SLC2A13: variants seen among roughly 807,000 people sequenced by gnomAD.
SLC2A13 encodes proton myo-inositol cotransporter.
SLC2A13 carries 32 observed loss-of-function variants against 64.4 expected under a neutral mutation model. That is an observed-to-expected ratio of 0.50 (90% confidence interval 0.37 to 0.67). The LOEUF (loss-of-function observed/expected upper bound fraction) is 0.67, where lower values mean the gene tolerates loss of function less well. SLC2A13 is among the 30% of genes least tolerant of loss of function. The pLI is 0.00. For missense variants in SLC2A13, 743 were observed against 829.2 expected (o/e 0.90, Z 1.28); for synonymous variants, 338 against 327.1 (o/e 1.03, Z -0.36).
intron 6 of SLC2A13, among the ~76,000 whole-genome samples, chr12:39,838,743 C>A (rs898818959): frequency 2.0e-5 from 3 of 152,020 alleles, no homozygotes; most frequent in African/African-American, 7.2e-5. Flanking sequence ...AATGTGCTCT[C>A]AGCTCAGAAA....
At chr12:39,794,438 A>C (rs902413738) in intron 7 of SLC2A13, among the ~76,000 whole-genome samples, 2 of 152,228 alleles carry the variant, frequency 1.3e-5, no homozygotes, top group East Asian at 3.8e-4. Context: ...TTCTGCCTAA[A>C]GGTTTCCCCA....
intron 7 of SLC2A13, among the ~76,000 whole-genome samples, chr12:39,811,031 A>G (rs553220382): frequency 5.9e-4 from 90 of 152,216 alleles, no homozygotes; most frequent in Non-Finnish European, 8.8e-4. Context: ...ATCTGGTTTA[A>G]TTCACCAATG....
intron 3 of SLC2A13, among the ~76,000 whole-genome samples, chr12:40,013,752 T>C (rs1947572042): frequency 6.6e-6 from 1 of 152,262 alleles, no homozygotes; most frequent in African/African-American, 2.4e-5. Context: ...TAATGAGCTC[T>C]TACGTGTGCG....
chr12:39,996,447 A>G (rs957314494), intron 3 of SLC2A13, among the ~76,000 whole-genome samples: 1 of 152,234 alleles, frequency 6.6e-6, no homozygotes, highest in Non-Finnish European at 1.5e-5. Context: ...AGCTGCAGAA[A>G]TTTGCATAAG....
At chr12:39,887,818 T>C (rs1944507326) in intron 4 of SLC2A13, among the ~76,000 whole-genome samples, 2 of 152,246 alleles carry the variant, frequency 1.3e-5, no homozygotes, top group Non-Finnish European at 2.9e-5. Flanking sequence ...TATATGTTTA[T>C]TCTTGTCATT....
chr12:39,996,799 A>T (rs1220231172), intron 3 of SLC2A13, among the ~76,000 whole-genome samples: 5 of 152,354 alleles, frequency 3.3e-5, no homozygotes, highest in African/African-American at 1.2e-4. Context: ...CTGCAAAAAA[A>T]TTAAAATACT....
intron 2 of SLC2A13, among the ~76,000 whole-genome samples, chr12:40,030,996 G>A (rs1020686095): frequency 2.0e-5 from 3 of 152,058 alleles, no homozygotes; most frequent in Non-Finnish European, 2.9e-5. Flanking sequence ...TGTTTTATAC[G>A]TTTGTATCCT....
At chr12:40,076,620 G>C (rs1476373085) in intron 1 of SLC2A13, among the ~76,000 whole-genome samples, 2 of 152,098 alleles carry the variant, frequency 1.3e-5, no homozygotes, top group Non-Finnish European at 2.9e-5. Context: ...ACATATGTTT[G>C]CATGTGTCTT....
chr12:39,898,655 A>T (rs1392337135), intron 4 of SLC2A13, among the ~76,000 whole-genome samples: 1 of 152,156 alleles, frequency 6.6e-6, no homozygotes, highest in Non-Finnish European at 1.5e-5. Flanking sequence ...TATGAGAGAC[A>T]TACAAGGCAT....
intron 4 of SLC2A13, among the ~76,000 whole-genome samples, chr12:39,891,545 G>A (rs17127219): frequency 0.023 from 3,563 of 152,114 alleles, 133 homozygotes; most frequent in African/African-American, 0.079. Flanking sequence ...TAAATTCTAG[G>A]AGTCGTGAAA....
intron 7 of SLC2A13, among the ~76,000 whole-genome samples, chr12:39,801,013 G>A (rs1941769486): frequency 5.2e-5 from 1 of 19,094 alleles, no homozygotes; most frequent in Non-Finnish European, 1.1e-4. Context: ...ACCAAACACC[G>A]CATATTCTCA....
chr12:39,851,774 C>T (rs988473860), intron 6 of SLC2A13, among the ~76,000 whole-genome samples: 9 of 152,168 alleles, frequency 5.9e-5, no homozygotes, highest in African/African-American at 1.9e-4. Context: ...AGTCATTGAT[C>T]ACTGCAAATT....
intron 4 of SLC2A13, among the ~76,000 whole-genome samples, chr12:39,885,966 T>G (rs1206132809): frequency 6.6e-6 from 1 of 152,202 alleles, no homozygotes; most frequent in East Asian, 1.9e-4. Flanking sequence ...GCAAATGTTT[T>G]GTATAGAAAC....
rs554368708 is a variant in SLC2A13, at chr12:39,854,442, C to A, written c.1319+10320G>T. The stretch of plus-strand genomic sequence containing the variant: ...ATTGGCTGGGGCCACATAATCGGCA[C>A]TGAGTATTCATAAAATTGAACTGCC... On this transcript the variant is annotated intron_variant, in intron 6 of 9. Coordinates refer to ENST00000280871, the MANE Select transcript of SLC2A13 (RefSeq NM_052885.4). Among the ~76,000 whole-genome samples the A allele has an allele frequency of 1.2e-4, 18 of 152,322 alleles. No individual in the cohort carries two copies. The East Asian group carries it at 3.3e-3, about 28-fold the overall frequency.
chr12:40,003,221 T>C (rs993126736), intron 3 of SLC2A13, among the ~76,000 whole-genome samples: 7 of 152,230 alleles, frequency 4.6e-5, no homozygotes, highest in African/African-American at 1.4e-4. Context: ...GCAATACCTA[T>C]TGAGAAGGAG....
intron 1 of SLC2A13, among the ~76,000 whole-genome samples, chr12:40,077,194 G>A (rs184864305): frequency 8.6e-5 from 13 of 151,938 alleles, no homozygotes; most frequent in African/African-American, 3.1e-4. Context: ...TGTTGCAATT[G>A]CTTTTGGAGT....
At chr12:39,888,281 G>A (rs1944518905) in intron 4 of SLC2A13, among the ~76,000 whole-genome samples, 1 of 152,166 alleles carries the variant, frequency 6.6e-6, no homozygotes, top group Admixed American at 6.5e-5. Flanking sequence ...CTGGAGTGCA[G>A]TGGTGTGATC....
chr12:40,009,162 A>T (rs902854274), intron 3 of SLC2A13, among the ~76,000 whole-genome samples: 6 of 152,270 alleles, frequency 3.9e-5, no homozygotes, highest in Middle Eastern at 6.8e-3. Flanking sequence ...CCAGCAGTGG[A>T]GCAGAGAGGT....
chr12:39,825,475 T>C (rs1942644246), intron 7 of SLC2A13, among the ~76,000 whole-genome samples: 1 of 152,182 alleles, frequency 6.6e-6, no homozygotes, highest in African/African-American at 2.4e-5. Context: ...AAGTCATTCA[T>C]ACCTTCTAAG....
Sources: allele counts gnomAD v4.1 joint callset (sites outside exome capture counted in the v4.1 genomes callset), GRCh38; gene constraint gnomAD v4.1.1; transcripts MANE v1.5; gene names NCBI Gene and HGNC (gene_info 2026-07-23, HGNC 2026-07-21).